Variants in DOCK3 observed in about 807,000 individuals in gnomAD.
The protein encoded by DOCK3 is dedicator of cytokinesis protein 3.
DOCK3 carries 60 observed loss-of-function variants against 265.6 expected under a neutral mutation model. That is an observed-to-expected ratio of 0.23 (90% CI 0.18 to 0.28). The LOEUF is 0.28. Ranked by LOEUF, DOCK3 falls within the 10% of genes least tolerant of loss-of-function variation. The pLI, the probability that DOCK3 is intolerant of heterozygous loss-of-function variation, is 1.00. For synonymous variants in DOCK3, 881 were observed against 938.0 expected (o/e 0.94, Z 1.11); for missense variants, 1,981 against 2,594.3 (o/e 0.76, Z 5.14).
chr3:51,277,788 T>C, intron 26 of DOCK3, 34 bp downstream of exon 26: 1 of 1,593,188 alleles, frequency 6.3e-7, no homozygotes, highest in South Asian at 1.1e-5. Flanking sequence ...TCTTGCCTTC[T>C]TTTCTAACCC....
At chr3:51,090,094 G>C in intron 8 of DOCK3, 136 bp from the exon 9 acceptor site, 1 of 1,047,228 alleles carries the variant, frequency 9.5e-7, no homozygotes, top group East Asian at 2.7e-5. Flanking sequence ...CCTACAAGCA[G>C]AGAAAACATC....
At chr3:50,853,718 G>C (rs746675946) in intron 3 of DOCK3, among the ~76,000 whole-genome samples, 2 of 152,112 alleles carry the variant, frequency 1.3e-5, no homozygotes, top group Non-Finnish European at 2.9e-5. Flanking sequence ...CACTGTTGAT[G>C]GACACTTAGG....
intron 32 of DOCK3, among the ~76,000 whole-genome samples, chr3:51,327,481 G>A (rs73837421): frequency 0.023 from 3,457 of 152,256 alleles, 150 homozygotes; most frequent in African/African-American, 0.079. Flanking sequence ...CTGCAAACTT[G>A]ATGGTCAGTG....
At chr3:51,310,586 A>G (rs2083015214) in intron 28 of DOCK3, among the ~76,000 whole-genome samples, 1 of 152,236 alleles carries the variant, frequency 6.6e-6, no homozygotes, top group Non-Finnish European at 1.5e-5. Context: ...TCAGTGGCCC[A>G]CTGGCCTCTG....
chr3:51,237,403 A>G lies in DOCK3; in HGVS notation c.2002-87A>G, dbSNP rs145985344. The G allele has an allele frequency of 1.1e-4, 125 of 1,115,686 alleles. No homozygotes were observed. The African/African-American group carries it at 1.9e-3, about 17-fold the overall frequency. 69.1% of individuals were successfully genotyped at this position (1,115,686 alleles called of 1,614,324 possible). Reference sequence around the variant, plus strand: ...AGGACAGCACTGACAATTTGCCATTATTTGGAGAAGGAAGACTCTGTTTCC... The same window carrying G: ...AGGACAGCACTGACAATTTGCCATTGTTTGGAGAAGGAAGACTCTGTTTCC... On this transcript the variant is annotated intron_variant, in intron 20 of 52. Coordinates refer to ENST00000266037, the MANE Select transcript of DOCK3 (RefSeq NM_004947.5).
chr3:51,150,000 A>G (rs576406473), intron 10 of DOCK3, among the ~76,000 whole-genome samples: 1 of 152,262 alleles, frequency 6.6e-6, no homozygotes, highest in African/African-American at 2.4e-5. Context: ...GCAATTAATT[A>G]TTGCCTCAAT....
intron 38 of DOCK3, among the ~76,000 whole-genome samples, chr3:51,346,424 G>A (rs1285450621): frequency 6.6e-6 from 1 of 152,068 alleles, no homozygotes; most frequent in African/African-American, 2.4e-5. Flanking sequence ...TTTGCTCAGA[G>A]TGATGGATTC....
chr3:50,690,398 A>G (rs1175451838), intron 1 of DOCK3, among the ~76,000 whole-genome samples: 1 of 151,928 alleles, frequency 6.6e-6, no homozygotes, highest in Non-Finnish European at 1.5e-5. Flanking sequence ...CCTCCCAGAA[A>G]GCTGGAGTTA....
At chr3:50,698,517 G>GGTTTTTTTTTTTTT (rs2035792982) in intron 1 of DOCK3, among the ~76,000 whole-genome samples, 2 of 19,506 alleles carry the variant, frequency 1.0e-4, no homozygotes, top group Admixed American at 5.3e-4. Context: ...TATGTTTTTG[G>GGTTTTTTTTTTTTT]TTTTTTTTTT....
At chr3:50,751,462 C>T (rs1286933131) in intron 1 of DOCK3, among the ~76,000 whole-genome samples, 1 of 152,100 alleles carries the variant, frequency 6.6e-6, no homozygotes, top group East Asian at 1.9e-4. Context: ...TGATGTTCCC[C>T]TCCCTGTGCC....
chr3:51,308,925 A>G (rs2082878870), intron 27 of DOCK3, among the ~76,000 whole-genome samples: 2 of 132,216 alleles, frequency 1.5e-5, no homozygotes, highest in African/African-American at 3.0e-5. Flanking sequence ...CCGGGCAGAG[A>G]CGCTCCTCAC....
intron 1 of DOCK3, among the ~76,000 whole-genome samples, chr3:50,736,996 A>G (rs2038675773): frequency 6.6e-6 from 1 of 151,708 alleles, no homozygotes; most frequent in Non-Finnish European, 1.5e-5. Flanking sequence ...CTGGCCAATA[A>G]ATGTCTTCTT....
chr3:50,717,900 C>T (rs1453856472), intron 1 of DOCK3, among the ~76,000 whole-genome samples: 1 of 152,210 alleles, frequency 6.6e-6, no homozygotes, highest in African/African-American at 2.4e-5. Flanking sequence ...GCTGGGATTA[C>T]ATGCATGAGC....
chr3:50,938,667 G>C (rs2051530565), intron 5 of DOCK3, among the ~76,000 whole-genome samples: 1 of 151,920 alleles, frequency 6.6e-6, no homozygotes, highest in Non-Finnish European at 1.5e-5. Flanking sequence ...CTGTGTCAAA[G>C]AGGAAACTGT....
At chr3:50,828,902 C>T (rs569824555) in intron 2 of DOCK3, among the ~76,000 whole-genome samples, 13 of 151,616 alleles carry the variant, frequency 8.6e-5, no homozygotes, top group East Asian at 3.9e-4. Context: ...TTAGTAGAGA[C>T]GGGGTTTCAC....
At position 50,965,049 on chromosome 3, in the gene DOCK3, C is replaced by T. The variant is rs538977547; in HGVS notation, c.315+30972C>T. Among the ~76,000 whole-genome samples, 9 of 151,970 alleles carry T rather than the reference C, an allele frequency of 5.9e-5. No individual in the cohort carries two copies. In the South Asian group the frequency reaches 1.9e-3, roughly 32 times the overall value. On this transcript the variant is annotated intron_variant, in intron 5 of 52. Transcript: ENST00000266037. ...ATGTATTACTAGAAGACCTGAACCA[C>T]CAGAAATGTTAAAGGAATTTCTTCA...
chr3:50,922,199 T>A (rs917602091), intron 4 of DOCK3, among the ~76,000 whole-genome samples: 4 of 152,308 alleles, frequency 2.6e-5, no homozygotes, highest in Non-Finnish European at 4.4e-5. Context: ...TGCCATGGGC[T>A]CTACCCAGTT....
At chr3:50,676,794 G>T (rs1393367167) in intron 1 of DOCK3, among the ~76,000 whole-genome samples, 1 of 152,194 alleles carries the variant, frequency 6.6e-6, no homozygotes, top group Non-Finnish European at 1.5e-5. Context: ...TACTGGTGGT[G>T]TGGGCAAGTA....
intron 3 of DOCK3, among the ~76,000 whole-genome samples, chr3:50,884,916 T>C (rs919272890): frequency 1.3e-5 from 2 of 152,140 alleles, no homozygotes; most frequent in Admixed American, 1.3e-4. Flanking sequence ...TTATTGACAT[T>C]AGGGTTTACT....
Sources: gnomAD v4.1 joint callset for allele counts (sites outside exome capture counted in the v4.1 genomes callset) on GRCh38, gnomAD v4.1.1 for gene constraint, MANE v1.5 for transcripts, NCBI Gene and HGNC (gene_info 2026-07-23, HGNC 2026-07-21) for gene names.